GRAMD1B: variants seen among roughly 807,000 people sequenced by gnomAD.
The protein encoded by GRAMD1B is protein Aster-B.
GRAMD1B carries 37 observed loss-of-function variants against 99.7 expected under a neutral mutation model. That is an observed-to-expected ratio of 0.37 (90% CI 0.29 to 0.49). GRAMD1B has a LOEUF of 0.49. Among genes scored for constraint, GRAMD1B ranks in the 20% least tolerant of loss-of-function variants. The pLI is 0.98. For missense variants in GRAMD1B, 888 were observed against 1,009.2 expected (o/e 0.88, Z 1.63); for synonymous variants, 427 against 387.6 (o/e 1.10, Z -1.19).
chr11:123,442,843 G>A (rs1157905171), intron 1 of GRAMD1B, among the ~76,000 whole-genome samples: 1 of 137,950 alleles, frequency 7.2e-6, no homozygotes, highest in Non-Finnish European at 1.6e-5. Flanking sequence ...CTAAACAAGG[G>A]GTGGATTATT....
At chr11:123,395,155 A>G (rs1039103824) in intron 1 of GRAMD1B, among the ~76,000 whole-genome samples, 3 of 152,194 alleles carry the variant, frequency 2.0e-5, no homozygotes, top group African/African-American at 7.2e-5. Context: ...TGAATGTTGC[A>G]TGAATGTTTT....
At chr11:123,461,728 C>T (rs1324899066) in intron 1 of GRAMD1B, among the ~76,000 whole-genome samples, 3 of 152,042 alleles carry the variant, frequency 2.0e-5, no homozygotes, top group Non-Finnish European at 2.9e-5. Flanking sequence ...CCTTAGCCTC[C>T]CGAGTAGCTG....
intron 2 of GRAMD1B, among the ~76,000 whole-genome samples, chr11:123,563,197 T>C (rs1445495179): frequency 6.6e-6 from 1 of 152,148 alleles, no homozygotes; most frequent in East Asian, 1.9e-4. Context: ...GGGAGTAGGA[T>C]AGGACCTCTG....
rs562278069 is a variant in GRAMD1B, at chr11:123,372,113, G to A, written c.-176+13314G>A. Among the ~76,000 whole-genome samples the A allele has an allele frequency of 3.3e-5, 5 of 152,272 alleles. No individual in the cohort carries two copies. The East Asian group carries it at 9.6e-4, about 29-fold the overall frequency. ...GTCAACCTGTTATCCTGCCTTACAG[G>A]TGGTTCTGATTTCTTCCACTGTTAT... On this transcript the variant is annotated intron_variant, in intron 1 of 20. Transcript: ENST00000638157.
rs1227270415 is a variant in GRAMD1B at position 123,608,521 on chromosome 11, T to C, written c.1514-138T>C. 4.5e-6 allele frequency: 7 copies of C among 1,541,718 alleles called. No homozygotes were observed. In the Admixed American group the frequency reaches 1.4e-4, roughly 30 times the overall value. ...TAAACCATGCCCACGAGCTCAGCTG[T>C]CCTGCTCCGTGTCCTCTCCATACCC... On this transcript the variant is annotated intron_variant, in intron 11 of 19. Transcript: ENST00000635736.
In GRAMD1B at chr11:123,431,279, C is replaced by T. The variant is rs1001057818; in HGVS notation, c.374+113C>T. The T allele has an allele frequency of 3.0e-5, 18 of 595,186 alleles. No homozygotes were observed. The African/African-American group carries it at 3.4e-4, about 11-fold the overall frequency. 36.9% of individuals were successfully genotyped at this position (595,186 alleles called of 1,614,324 possible). On this transcript the variant is annotated intron_variant, in intron 1 of 19. Coordinates refer to ENST00000635736, the MANE Select transcript of GRAMD1B (RefSeq NM_001387025.1). ...CCTGGGGGAGAACAGGAGCCCGTCA[C>T]CAGAGGCGCTTCTGGAGGGCGCTGC...
At chr11:123,515,100 C>A (rs1473793589) in intron 2 of GRAMD1B, among the ~76,000 whole-genome samples, 1 of 152,310 alleles carries the variant, frequency 6.6e-6, no homozygotes, top group African/African-American at 2.4e-5. Flanking sequence ...ACTGACACGA[C>A]GTAGTTCCTA....
chr11:123,555,972 G>C (rs1946137978), intron 2 of GRAMD1B, among the ~76,000 whole-genome samples: 1 of 152,160 alleles, frequency 6.6e-6, no homozygotes, highest in Admixed American at 6.5e-5. Flanking sequence ...GACCTCAGGT[G>C]ATCCACCTGC....
chr11:123,532,529 G>A (rs948365686), intron 2 of GRAMD1B, among the ~76,000 whole-genome samples: 2 of 152,210 alleles, frequency 1.3e-5, no homozygotes, highest in African/African-American at 4.8e-5. Flanking sequence ...ACGGGCTGAT[G>A]CCTCTTCCTA....
chr11:123,412,687 T>C (rs1948092626), intron 1 of GRAMD1B, among the ~76,000 whole-genome samples: 1 of 152,186 alleles, frequency 6.6e-6, no homozygotes, highest in Non-Finnish European at 1.5e-5. Context: ...CCTGAAAACA[T>C]AACATTTTCT....
chr11:123,416,444 T>A (rs1591474802), intron 1 of GRAMD1B, among the ~76,000 whole-genome samples: 1 of 152,322 alleles, frequency 6.6e-6, no homozygotes, highest in South Asian at 2.1e-4. Flanking sequence ...ATAAAGATAA[T>A]GATCATAATT....
At chr11:123,504,073 G>A (rs1314106031) in intron 2 of GRAMD1B, among the ~76,000 whole-genome samples, 1 of 152,174 alleles carries the variant, frequency 6.6e-6, no homozygotes, top group Admixed American at 6.5e-5. Flanking sequence ...CAGTTCTAGA[G>A]GCTGAGGTCG....
intron 11 of GRAMD1B, 194 bp from the exon 12 acceptor site, chr11:123,608,465 C>T (rs1953042268): frequency 6.6e-7 from 1 of 1,514,598 alleles, no homozygotes; most frequent in South Asian, 1.2e-5. Flanking sequence ...GTGTGCATCC[C>T]AGCAAAAGAA....
At chr11:123,451,766 T>C (rs1277854833) in intron 1 of GRAMD1B, among the ~76,000 whole-genome samples, 1 of 152,068 alleles carries the variant, frequency 6.6e-6, no homozygotes, top group East Asian at 1.9e-4. Context: ...GCCACTGAGG[T>C]GTGGCTGGCT....
intron 1 of GRAMD1B, among the ~76,000 whole-genome samples, chr11:123,386,600 G>A (rs978411091): frequency 6.6e-6 from 1 of 151,998 alleles, no homozygotes; most frequent in African/African-American, 2.4e-5. Context: ...ACCACACCCA[G>A]CTAATTTTTT....
intron 2 of GRAMD1B, among the ~76,000 whole-genome samples, chr11:123,526,620 C>T (rs756293853): frequency 3.3e-5 from 5 of 152,130 alleles, no homozygotes; most frequent in Non-Finnish European, 7.3e-5. Flanking sequence ...GCCTTTCTCA[C>T]GTCAGCTGCT....
chr11:123,526,022 T>A (rs535930678), intron 2 of GRAMD1B: 1 of 778,056 alleles, frequency 1.3e-6, no homozygotes, highest in East Asian at 2.7e-5. Context: ...TCTTTCTGTG[T>A]TCAAGTCACA....
chr11:123,613,774 A>C (rs1206681420), intron 16 of GRAMD1B, 116 bp downstream of exon 16: 1 of 706,936 alleles, frequency 1.4e-6, no homozygotes, highest in Non-Finnish European at 2.4e-6. Flanking sequence ...TTTGTATATA[A>C]TTTGAACGTA....
At position 123,591,262 on chromosome 11, in the gene GRAMD1B, C is replaced by G. The variant is rs2136486828; in HGVS notation, c.685-2820C>G. 7.6e-6 allele frequency: 3 copies of G among 396,730 alleles called. No individual in the cohort carries two copies. The highest frequency in any genetic ancestry group is 4.4e-6 in the Non-Finnish European group (1 of 225,186). The allele number at this position is 396,730 out of a possible 1,614,324, so 24.6% of individuals were successfully genotyped here. On this transcript the variant is annotated intron_variant, in intron 4 of 19. Transcript: ENST00000635736. The surrounding 1 kb of genome is among the most constrained non-coding windows in gnomAD (Gnocchi z 4.7). ...GACACCTGTCAGAGTCACACAGGCCCTCTGCTGAGAAACCAGAGGCCACCC... is the reference window on the plus strand; with the variant it reads ...GACACCTGTCAGAGTCACACAGGCCGTCTGCTGAGAAACCAGAGGCCACCC...
Sources: gnomAD v4.1 joint callset for allele counts (sites outside exome capture counted in the v4.1 genomes callset) on GRCh38, gnomAD v4.1.1 for gene constraint, Gnocchi (gnomAD v3.1) non-coding constraint, MANE v1.5 for transcripts, NCBI Gene and HGNC (gene_info 2026-07-23, HGNC 2026-07-21) for gene names.